NPAS3: variants seen among roughly 807,000 people sequenced by gnomAD.
NPAS3 encodes neuronal PAS domain-containing protein 3.
Under a neutral mutation model 73.1 loss-of-function variants are expected in NPAS3, and 14 were observed. The observed-to-expected ratio is 0.19, with a 90% CI of 0.13 to 0.30. The LOEUF (loss-of-function observed/expected upper bound fraction) is 0.30, where lower values mean the gene tolerates loss of function less well. Ranked by LOEUF, NPAS3 falls within the 10% of genes least tolerant of loss-of-function variation. The pLI, the probability that NPAS3 is intolerant of heterozygous loss-of-function variation, is 1.00. For synonymous variants in NPAS3, 620 were observed against 541.5 expected, an observed-to-expected ratio of 1.14 and a Z score of -2.01; for missense variants, 1,096 against 1,250.0, an observed-to-expected ratio of 0.88 and a Z score of 1.86.
At chr14:33,045,398 C>A (rs1402015633) in intron 1 of NPAS3, among the ~76,000 whole-genome samples, 1 of 152,170 alleles carries the variant, frequency 6.6e-6, no homozygotes, top group Non-Finnish European at 1.5e-5. Flanking sequence ...GAAGTGTTAT[C>A]CTTCCGATTA....
intron 4 of NPAS3, among the ~76,000 whole-genome samples, chr14:33,555,230 G>A (rs544749724): frequency 9.2e-5 from 14 of 152,206 alleles, no homozygotes; most frequent in South Asian, 2.1e-4. Context: ...CTAAGATTGC[G>A]TTTCCCATCT....
Position 33,343,905 on chromosome 14 carries a change from G to A in NPAS3, c.386-23281G>A, listed in dbSNP as rs149481594. Among the ~76,000 whole-genome samples the A allele has an allele frequency of 3.9e-4, 59 of 152,232 alleles. No individual in the cohort carries two copies. In the South Asian group the frequency reaches 0.011, roughly 28 times the overall value. Reference sequence around the variant, plus strand: ...TTGTCTTTTCCACTCAAAACTTGTCGCCTCGTGCAAATATTTCTGGTAGCA... The same window carrying A: ...TTGTCTTTTCCACTCAAAACTTGTCACCTCGTGCAAATATTTCTGGTAGCA... On this transcript the variant is annotated intron_variant, in intron 3 of 11. Transcript: ENST00000356141.
At chr14:33,605,603 A>G (rs2057534829) in intron 5 of NPAS3, among the ~76,000 whole-genome samples, 1 of 152,188 alleles carries the variant, frequency 6.6e-6, no homozygotes, top group Non-Finnish European at 1.5e-5. Flanking sequence ...TCACAAGTTG[A>G]AAAGAATAAG....
intron 4 of NPAS3, among the ~76,000 whole-genome samples, chr14:33,377,453 C>T (rs781422862): frequency 6.6e-6 from 1 of 152,196 alleles, no homozygotes; most frequent in Non-Finnish European, 1.5e-5. Flanking sequence ...GCTGGTGAAA[C>T]GGTTTAATGC....
At chr14:33,604,594 C>G (rs191610799) in intron 5 of NPAS3, among the ~76,000 whole-genome samples, 92 of 152,196 alleles carry the variant, frequency 6.0e-4, no homozygotes, top group Non-Finnish European at 9.7e-4. Flanking sequence ...GCACTATCTA[C>G]CAGCTTGACA....
At position 33,680,825 on chromosome 14, in the gene NPAS3, T is replaced by G. The variant is rs527716387; in HGVS notation, c.733+4440T>G. On this transcript the variant is annotated intron_variant, in intron 6 of 11. Coordinates refer to ENST00000356141, the Ensembl canonical transcript of NPAS3. ...ACTTTGGATGATGAATAACTACAGC[T>G]GCATGGCTAACCCATTGGTTGTGTA... is the stretch of plus-strand genomic sequence containing the variant. 11 of 575,214 alleles carry G rather than the reference T, an allele frequency of 1.9e-5. No homozygotes were observed. The East Asian group carries it at 3.1e-4, about 16-fold the overall frequency. The allele number at this position is 575,214 out of a possible 1,614,324, so 35.6% of individuals were successfully genotyped here.
chr14:33,117,049 A>G (rs940738734), intron 2 of NPAS3, among the ~76,000 whole-genome samples: 1 of 152,130 alleles, frequency 6.6e-6, no homozygotes, highest in African/African-American at 2.4e-5. Flanking sequence ...CTAATCCGTT[A>G]GTATTACAGC....
intron 2 of NPAS3, among the ~76,000 whole-genome samples, chr14:33,109,518 TACTG>T (rs1386394491): frequency 2.0e-5 from 3 of 152,186 alleles, no homozygotes; most frequent in African/African-American, 7.2e-5. Flanking sequence ...TGCTGGGAAA[TACTG>T]ACTCAAGTGT....
chr14:33,470,585 C>T (rs1000651156), intron 4 of NPAS3, among the ~76,000 whole-genome samples: 2 of 152,264 alleles, frequency 1.3e-5, no homozygotes, highest in African/African-American at 4.8e-5. Context: ...GTTCCTACTT[C>T]ATAGGAAAAT....
At chr14:33,265,011 G>A (rs1273311360) in intron 3 of NPAS3, among the ~76,000 whole-genome samples, 2 of 152,204 alleles carry the variant, frequency 1.3e-5, no homozygotes, top group Admixed American at 6.5e-5. Context: ...CAGAAAGGCA[G>A]GCACAGAGTG....
chr14:33,031,920 T>TAATTTGCTGC (rs547561451), intron 1 of NPAS3, among the ~76,000 whole-genome samples: 222 of 152,338 alleles, frequency 1.5e-3, no homozygotes, highest in African/African-American at 5.2e-3. Context: ...AATAGACATA[T>TAATTTGCTGC]AATTTGCTGC....
chr14:33,053,132 C>T (rs2138511895), intron 1 of NPAS3, among the ~76,000 whole-genome samples: 1 of 152,244 alleles, frequency 6.6e-6, no homozygotes, highest in Non-Finnish European at 1.5e-5. Context: ...GTAGGACTTG[C>T]CCGCTAATCT....
At chr14:32,958,689 T>C (rs2036780283) in intron 1 of NPAS3, among the ~76,000 whole-genome samples, 1 of 152,192 alleles carries the variant, frequency 6.6e-6, no homozygotes, top group Admixed American at 6.5e-5. Context: ...TCCATGGCCA[T>C]TCATACTTCC....
intron 1 of NPAS3, among the ~76,000 whole-genome samples, chr14:33,004,766 A>G (rs2038929434): frequency 7.7e-6 from 1 of 130,652 alleles, no homozygotes; most frequent in African/African-American, 2.7e-5. Flanking sequence ...ACAAAAATAC[A>G]TTTTTCTTTA....
At chr14:33,274,960 G>A (rs1267089943) in intron 3 of NPAS3, among the ~76,000 whole-genome samples, 4 of 152,196 alleles carry the variant, frequency 2.6e-5, no homozygotes, top group Non-Finnish European at 4.4e-5. Context: ...ATAGATGCAC[G>A]ATAGTGGCAG....
intron 5 of NPAS3, among the ~76,000 whole-genome samples, chr14:33,607,882 C>G (rs531891433): frequency 6.6e-6 from 1 of 152,050 alleles, no homozygotes; most frequent in Non-Finnish European, 1.5e-5. Flanking sequence ...GAGTGAAAGC[C>G]CACCAAAGAA....
chr14:33,006,057 T>C (rs928643388), intron 1 of NPAS3, among the ~76,000 whole-genome samples: 1 of 152,170 alleles, frequency 6.6e-6, no homozygotes, highest in African/African-American at 2.4e-5. Flanking sequence ...ACTCGGCACA[T>C]TGACCACTTC....
At chr14:33,480,690 T>A (rs987814158) in intron 4 of NPAS3, among the ~76,000 whole-genome samples, 4 of 151,760 alleles carry the variant, frequency 2.6e-5, no homozygotes, top group Admixed American at 2.6e-4. Context: ...CCCTGCAAGT[T>A]CAATGCTCTG....
At chr14:33,404,028 G>A (rs143195408) in intron 4 of NPAS3, among the ~76,000 whole-genome samples, 33 of 152,280 alleles carry the variant, frequency 2.2e-4, no homozygotes, top group African/African-American at 5.8e-4. Context: ...AGCAGTAATC[G>A]TGATGCACAG....
Sources: gnomAD v4.1 joint callset for allele counts (sites outside exome capture counted in the v4.1 genomes callset) on GRCh38, gnomAD v4.1.1 for gene constraint, MANE v1.5 for transcripts, NCBI Gene and HGNC (gene_info 2026-07-23, HGNC 2026-07-21) for gene names.